The following MKX variants were observed in gnomAD, a reference collection of about 807,000 sequenced individuals.
MKX encodes the protein mohawk homeobox, also known as homeobox protein Mohawk.
Under a neutral mutation model 36.0 loss-of-function variants are expected in MKX, and 13 were observed. The observed-to-expected ratio is 0.36, with a 90% confidence interval of 0.24 to 0.57. The LOEUF (loss-of-function observed/expected upper bound fraction) is 0.57, where lower values mean the gene tolerates loss of function less well. MKX is among the 20% of genes least tolerant of loss of function. MKX has a pLI of 0.79. For synonymous variants in MKX, 176 were observed against 178.3 expected (o/e 0.99, Z 0.10); for missense variants, 458 against 456.4 (o/e 1.00, Z -0.03).
chr10:27,714,220 T>C (rs1425152594), intron 5 of MKX, among the ~76,000 whole-genome samples: 2 of 152,022 alleles, frequency 1.3e-5, no homozygotes, highest in African/African-American at 4.8e-5. Context: ...TGTCTGGCAC[T>C]GAGAAATCTA....
intron 5 of MKX, among the ~76,000 whole-genome samples, chr10:27,714,790 G>A (rs2132602183): frequency 6.6e-6 from 1 of 152,324 alleles, no homozygotes; most frequent in African/African-American, 2.4e-5. Flanking sequence ...AAAACACCAA[G>A]TGTCTGCTCT....
rs3063184 is a variant in MKX, at chr10:27,744,711, T to TACACACACACACACACACAC, written c.-83+976_-83+995dup. 1 of 142,432 alleles carries TACACACACACACACACACAC rather than the reference T, an allele frequency of 7.0e-6. No homozygotes were observed. Among genetic ancestry groups the TACACACACACACACACACAC allele is most frequent in the East Asian group, 2.1e-4 (1 of 4,728 alleles). The allele number at this position is 142,432 out of a possible 1,614,324, so 8.8% of individuals were successfully genotyped here. ...CTCCACTAACACACGCGCGCGCGCA[T>TACACACACACACACACACAC]ACACACACACACACACACACACACA... On this transcript the variant is annotated intron_variant, in intron 1 of 6. Transcript: ENST00000419761. This position sits in a 1 kb window ranked among gnomAD's most constrained non-coding sequence, Gnocchi z 5.6.
intron 5 of MKX, among the ~76,000 whole-genome samples, chr10:27,718,286 C>A (rs886678893): frequency 1.3e-5 from 2 of 152,086 alleles, no homozygotes; most frequent in Admixed American, 6.6e-5. Context: ...TCACAATAAG[C>A]CAAATATGCA....
chr10:27,684,741 G>A (rs1229010982), intron 5 of MKX, among the ~76,000 whole-genome samples: 2 of 152,240 alleles, frequency 1.3e-5, no homozygotes, highest in South Asian at 4.1e-4. Flanking sequence ...AATGTTGCAA[G>A]AAGGAATTAT....
chr10:27,711,487 C>CTTTCTTTCTTTCTTTCTTTCTTTT (rs1564356983), intron 5 of MKX, among the ~76,000 whole-genome samples: 1 of 55,070 alleles, frequency 1.8e-5, no homozygotes, highest in African/African-American at 7.9e-5. Flanking sequence ...TTCTTTCTCT[C>CTTTCTTTCTTTCTTTCTTTCTTTT]TCTCTCTCTT....
At chr10:27,729,682 G>A (rs1406145929) in intron 5 of MKX, among the ~76,000 whole-genome samples, 1 of 152,014 alleles carries the variant, frequency 6.6e-6, no homozygotes, top group Non-Finnish European at 1.5e-5. Flanking sequence ...TCCTCAAGTC[G>A]AGCAAAACAA....
At chr10:27,678,882 T>A (rs1293316026) in intron 5 of MKX, among the ~76,000 whole-genome samples, 1 of 152,240 alleles carries the variant, frequency 6.6e-6, no homozygotes, top group Non-Finnish European at 1.5e-5. Context: ...TGTATGTGTT[T>A]GACACTTTGG....
rs1554772225 is a variant in MKX, at chr10:27,711,499, T to TTCC, written c.838+22956_838+22957insGGA. Among the ~76,000 whole-genome samples, 653 of 93,002 alleles carry TTCC rather than the reference T, an allele frequency of 7.0e-3. 15 individuals carry two copies. Among genetic ancestry groups the TTCC allele is most frequent in the East Asian group, 0.012 (38 of 3,244 alleles). The allele number at this position is 93,002 out of a possible 152,430, so 61.0% of individuals were successfully genotyped here. On this transcript the variant is annotated intron_variant, in intron 5 of 6. Transcript: ENST00000419761. ...TCTTTCTTTCTCTCTCTCTCTCTTC[T>TTCC]TTCCTTCCTTCCTTCCTTCCTTCCT...
At chr10:27,690,913 T>C (rs1267611299) in intron 5 of MKX, among the ~76,000 whole-genome samples, 2 of 152,274 alleles carry the variant, frequency 1.3e-5, no homozygotes, top group South Asian at 2.1e-4. Flanking sequence ...GTTTCCCCCA[T>C]GCTGTTCTCA....
chr10:27,722,128 T>G (rs1834392399), intron 5 of MKX, among the ~76,000 whole-genome samples: 1 of 152,214 alleles, frequency 6.6e-6, no homozygotes, highest in Non-Finnish European at 1.5e-5. Flanking sequence ...TCTATAATCT[T>G]GGGAGAGATC....
At chr10:27,726,916 A>G (rs1834502908) in intron 5 of MKX, among the ~76,000 whole-genome samples, 1 of 152,182 alleles carries the variant, frequency 6.6e-6, no homozygotes, top group Non-Finnish European at 1.5e-5. Context: ...AAACATTTAT[A>G]GAGTAAATAC....
At chr10:27,734,391 T>G in intron 5 of MKX, 65 bp downstream of exon 5, 1 of 1,360,362 alleles carries the variant, frequency 7.4e-7, no homozygotes. Flanking sequence ...TAAATCCCTC[T>G]GATGCAGTTT....
chr10:27,726,697 T>C (rs988178390), intron 5 of MKX, among the ~76,000 whole-genome samples: 1 of 143,926 alleles, frequency 6.9e-6, no homozygotes, highest in Non-Finnish European at 1.5e-5. Context: ...TTTCATTGTT[T>C]TCAGCTTCAT....
intron 5 of MKX, among the ~76,000 whole-genome samples, chr10:27,682,024 G>C (rs527901689): frequency 6.6e-6 from 1 of 152,176 alleles, no homozygotes; most frequent in Non-Finnish European, 1.5e-5. Context: ...AGCTCCATGC[G>C]TGTTATTGCC....
intron 5 of MKX, among the ~76,000 whole-genome samples, chr10:27,726,663 T>C (rs191199999): frequency 3.0e-4 from 46 of 152,196 alleles, no homozygotes; most frequent in African/African-American, 1.1e-3. Flanking sequence ...TCTTTCTATG[T>C]TTTTCTTTTG....
At position 27,735,359 on chromosome 10, in the gene MKX, C is replaced by G; in HGVS notation, c.364G>C (p.Ala122Pro). The change falls in exon 4 of 7, where the codon GCT becomes CCT. Residue 122 changes from alanine (A) to proline (P), a missense_variant. This residue lies in a region of MKX where 297 missense variants were observed against 304.4 expected (regional missense o/e 0.98). Coordinates refer to ENST00000419761, the MANE Select transcript of MKX (RefSeq NM_173576.3). ...MTLVQVSNWFANARRRLKNTV... is the reference protein window; with the variant it reads ...MTLVQVSNWFPNARRRLKNTV... ...TTCTTAAGCCGACGTCTTGCATTAG[C>G]AAACCAATTTGACACCTAAAACAGT... is the stretch of plus-strand genomic sequence containing the variant. 1.2e-6 allele frequency: 2 copies of G among 1,611,994 alleles called. No individual in the cohort carries two copies. Among genetic ancestry groups the G allele is most frequent in the Non-Finnish European group, 1.7e-6 (2 of 1,179,396 alleles).
intron 5 of MKX, among the ~76,000 whole-genome samples, chr10:27,732,543 C>T (rs1834655152): frequency 6.6e-6 from 1 of 151,852 alleles, no homozygotes; most frequent in South Asian, 2.1e-4. Context: ...TCGATTTTTG[C>T]TTGTTTAATT....
intron 5 of MKX, among the ~76,000 whole-genome samples, chr10:27,682,047 C>T (rs1836263679): frequency 6.6e-6 from 1 of 152,128 alleles, no homozygotes; most frequent in Non-Finnish European, 1.5e-5. Flanking sequence ...TGAAGACCTT[C>T]CAGTGGGACA....
intron 5 of MKX, among the ~76,000 whole-genome samples, chr10:27,712,802 T>C (rs1836895765): frequency 6.6e-6 from 1 of 151,984 alleles, no homozygotes; most frequent in Admixed American, 6.6e-5. Flanking sequence ...CAAGGTGCAG[T>C]GGTGAGTGCC....
Sources: allele counts gnomAD v4.1 joint callset (sites outside exome capture counted in the v4.1 genomes callset), GRCh38; gene constraint gnomAD v4.1.1; regional missense constraint gnomAD v4.1.1; non-coding constraint Gnocchi (gnomAD v3.1); transcripts MANE v1.5; gene names NCBI Gene and HGNC (gene_info 2026-07-23, HGNC 2026-07-21).